SORCS3: variants seen among roughly 807,000 people sequenced by gnomAD.
SORCS3 encodes sortilin related VPS10 domain containing receptor 3, also known as VPS10 domain-containing receptor SorCS3.
In SORCS3, 57 loss-of-function variants were observed where a neutral mutation model predicts 146.3. That is an observed-to-expected ratio of 0.39 (90% CI 0.31 to 0.49). SORCS3 has a LOEUF of 0.49. Ranked by LOEUF, SORCS3 falls within the 20% of genes least tolerant of loss-of-function variation. SORCS3 has a pLI of 0.92. For synonymous variants in SORCS3, 653 were observed against 618.5 expected (o/e 1.06, Z -0.83); for missense variants, 1,341 against 1,575.5 (o/e 0.85, Z 2.52).
chr10:104,642,885 C>G (rs1185193566), intron 1 of SORCS3, among the ~76,000 whole-genome samples: 1 of 152,214 alleles, frequency 6.6e-6, no homozygotes, highest in African/African-American at 2.4e-5. Context: ...CTCCGGCATT[C>G]CGAACTGGGC....
chr10:105,002,925 G>A (rs1049722115), intron 4 of SORCS3, among the ~76,000 whole-genome samples: 8 of 152,176 alleles, frequency 5.3e-5, no homozygotes, highest in Admixed American at 3.9e-4. Context: ...AGGCACCATT[G>A]TATTGGCTTT....
chr10:104,983,157 A>G (rs1236260069), intron 4 of SORCS3, among the ~76,000 whole-genome samples: 2 of 152,002 alleles, frequency 1.3e-5, no homozygotes, highest in Non-Finnish European at 2.9e-5. Flanking sequence ...CTGCCACCAG[A>G]CCCGGCTAAT....
chr10:104,669,216 TTTA>T (rs2015821196), intron 1 of SORCS3, among the ~76,000 whole-genome samples: 1 of 152,216 alleles, frequency 6.6e-6, no homozygotes, highest in Non-Finnish European at 1.5e-5. Context: ...ATTTAAAACA[TTTA>T]TTATTTTTAT....
intron 1 of SORCS3, among the ~76,000 whole-genome samples, chr10:104,774,560 T>C (rs1427482916): frequency 2.0e-5 from 3 of 152,182 alleles, no homozygotes; most frequent in Non-Finnish European, 2.9e-5. Context: ...TGAGATGACA[T>C]GGCAGCTTCT....
At chr10:104,781,696 T>G (rs1221563199) in intron 1 of SORCS3, among the ~76,000 whole-genome samples, 2 of 152,280 alleles carry the variant, frequency 1.3e-5, no homozygotes, top group African/African-American at 4.8e-5. Flanking sequence ...TGTGCCTTGC[T>G]AATTACCAGA....
intron 1 of SORCS3, among the ~76,000 whole-genome samples, chr10:104,786,306 C>T (rs77243336): frequency 0.02 from 3,030 of 150,394 alleles, 104 homozygotes; most frequent in African/African-American, 0.071. Context: ...AATCCTAGCA[C>T]TTTGGGAGGC....
chr10:105,001,587 A>G (rs1476520918), intron 4 of SORCS3, among the ~76,000 whole-genome samples: 1 of 152,176 alleles, frequency 6.6e-6, no homozygotes, highest in Non-Finnish European at 1.5e-5. Flanking sequence ...TTATGCAAGG[A>G]TGTGGGGTCA....
chr10:105,168,785 T>C (rs981506687), intron 13 of SORCS3, among the ~76,000 whole-genome samples: 4 of 152,134 alleles, frequency 2.6e-5, no homozygotes, highest in African/African-American at 9.7e-5. Context: ...ATTACCAGTT[T>C]CTTAAAGCTT....
rs575488066 is a variant in SORCS3, at chr10:105,164,226, G to A, written c.1733-77G>A. The A allele has an allele frequency of 1.2e-5, 13 of 1,059,734 alleles. No homozygotes were observed. The South Asian group carries it at 1.7e-4, about 14-fold the overall frequency. The allele number at this position is 1,059,734 out of a possible 1,614,324, so 65.6% of individuals were successfully genotyped here. On this transcript the variant is annotated intron_variant, in intron 11 of 26. Coordinates refer to ENST00000369701, the MANE Select transcript of SORCS3 (RefSeq NM_014978.3). ...ATCACTTAGAAAACCTTTACTCTCTGCTCCCCCATCCCTCAGCCCTAAGCA... is the reference window on the plus strand; with the variant it reads ...ATCACTTAGAAAACCTTTACTCTCTACTCCCCCATCCCTCAGCCCTAAGCA...
chr10:104,834,085 C>T (rs1044154858), intron 1 of SORCS3, among the ~76,000 whole-genome samples: 1 of 152,130 alleles, frequency 6.6e-6, no homozygotes, highest in Non-Finnish European at 1.5e-5. Context: ...AGATCCTGCC[C>T]CTCTTCACCT....
At chr10:105,050,871 C>A (rs1366654941) in intron 5 of SORCS3, among the ~76,000 whole-genome samples, 1 of 152,078 alleles carries the variant, frequency 6.6e-6, no homozygotes, top group Non-Finnish European at 1.5e-5. Context: ...TGGACTACTT[C>A]CTCTGTTTTC....
At position 105,122,373 on chromosome 10, in the gene SORCS3, C is replaced by T. The variant is rs577571875; in HGVS notation, c.1212+16858C>T. 3.3e-5 allele frequency among the ~76,000 whole-genome samples: 5 copies of T among 152,282 alleles called. No homozygotes were observed. The East Asian group carries it at 7.7e-4, about 24-fold the overall frequency. On this transcript the variant is annotated intron_variant, in intron 7 of 26. Transcript: ENST00000369701. The stretch of plus-strand genomic sequence containing the variant: ...TCCTTTAAGAATTCTGAAACCCCCT[C>T]ATGGTCAGACAGAATAAGGACTTCT...
At chr10:104,837,795 C>G (rs2133542439) in intron 1 of SORCS3, among the ~76,000 whole-genome samples, 1 of 152,280 alleles carries the variant, frequency 6.6e-6, no homozygotes, top group Non-Finnish European at 1.5e-5. Flanking sequence ...TGATAAACTC[C>G]TTGAGGGCAA....
At chr10:104,814,441 G>A (rs530154622) in intron 1 of SORCS3, among the ~76,000 whole-genome samples, 1 of 152,206 alleles carries the variant, frequency 6.6e-6, no homozygotes, top group South Asian at 2.1e-4. Context: ...TTCCTGATCA[G>A]CATGCCTCTG....
intron 5 of SORCS3, among the ~76,000 whole-genome samples, chr10:105,046,597 G>A (rs1446419742): frequency 6.6e-6 from 1 of 152,068 alleles, no homozygotes; most frequent in Non-Finnish European, 1.5e-5. Context: ...ATTATTATCC[G>A]CTTCTTCATT....
At chr10:104,812,402 C>A in intron 1 of SORCS3, among the ~76,000 whole-genome samples, 1 of 152,218 alleles carries the variant, frequency 6.6e-6, no homozygotes, top group East Asian at 1.9e-4. Context: ...AAATAGTAGA[C>A]AAACTGAGAC....
intron 1 of SORCS3, among the ~76,000 whole-genome samples, chr10:104,835,346 A>G (rs1011370530): frequency 4.6e-5 from 7 of 152,200 alleles, no homozygotes; most frequent in African/African-American, 1.2e-4. Context: ...AAAGTCAGTG[A>G]GTCCTATTCC....
chr10:104,816,853 C>G (rs1379140037), intron 1 of SORCS3, among the ~76,000 whole-genome samples: 1 of 152,176 alleles, frequency 6.6e-6, no homozygotes, highest in Non-Finnish European at 1.5e-5. Flanking sequence ...AGTGGTCTCT[C>G]CTTACTTTCA....
intron 7 of SORCS3, among the ~76,000 whole-genome samples, chr10:105,138,251 C>A (rs566473027): frequency 9.9e-5 from 15 of 152,124 alleles, no homozygotes; most frequent in Admixed American, 9.8e-4. Context: ...TACCTGGCAG[C>A]GTGTGGTGCC....
Sources: gnomAD v4.1 joint callset for allele counts (sites outside exome capture counted in the v4.1 genomes callset) on GRCh38, gnomAD v4.1.1 for gene constraint, MANE v1.5 for transcripts, NCBI Gene and HGNC (gene_info 2026-07-23, HGNC 2026-07-21) for gene names.